Variants in GNAQ observed in about 807,000 individuals in gnomAD.
GNAQ encodes the protein G protein subunit alpha q.
In GNAQ, 8 loss-of-function variants were observed where a neutral mutation model predicts 43.9. The ratio of observed to expected loss-of-function variants is 0.18; its 90% CI spans 0.11 to 0.33. The LOEUF (loss-of-function observed/expected upper bound fraction) is 0.33, where lower values mean the gene tolerates loss of function less well. Among genes scored for constraint, GNAQ ranks in the 10% least tolerant of loss-of-function variants. The pLI, the probability that GNAQ is intolerant of heterozygous loss-of-function variation, is 1.00. For missense variants in GNAQ, 158 were observed against 450.8 expected, an observed-to-expected ratio of 0.35 and a Z score of 5.88; for synonymous variants, 155 against 170.7, an observed-to-expected ratio of 0.91 and a Z score of 0.71.
chr9:77,735,581 G>C (rs1825564889), intron 5 of GNAQ, among the ~76,000 whole-genome samples: 1 of 152,178 alleles, frequency 6.6e-6, no homozygotes. Context: ...TGCTGTGTCT[G>C]ACTTTGTATC....
intron 1 of GNAQ, chr9:78,030,711 A>T (rs1446209180): frequency 2.7e-6 from 1 of 374,926 alleles, no homozygotes; most frequent in Non-Finnish European, 5.5e-6. Flanking sequence ...TGCCGCGGCC[A>T]CGACACTGGA....
At chr9:78,028,014 A>G (rs1824003483) in intron 1 of GNAQ, among the ~76,000 whole-genome samples, 1 of 152,198 alleles carries the variant, frequency 6.6e-6, no homozygotes, top group Non-Finnish European at 1.5e-5. Context: ...ATTATATTAA[A>G]TGAGGTTATC....
chr9:77,823,772 C>G (rs1331087362), intron 2 of GNAQ, among the ~76,000 whole-genome samples: 1 of 152,086 alleles, frequency 6.6e-6, no homozygotes, highest in African/African-American at 2.4e-5. Context: ...AAATCTGTCC[C>G]CACGATTCAA....
At chr9:77,912,828 C>T (rs1828830498) in intron 2 of GNAQ, among the ~76,000 whole-genome samples, 1 of 152,142 alleles carries the variant, frequency 6.6e-6, no homozygotes, top group Admixed American at 6.5e-5. Flanking sequence ...CAATGTGATA[C>T]CACTATCCAG....
intron 2 of GNAQ, among the ~76,000 whole-genome samples, chr9:77,890,686 G>T (rs2118106925): frequency 6.6e-6 from 1 of 152,312 alleles, no homozygotes; most frequent in South Asian, 2.1e-4. Flanking sequence ...TCACACCATT[G>T]CACTCCAGGC....
At chr9:77,939,215 C>A (rs965345043) in intron 1 of GNAQ, among the ~76,000 whole-genome samples, 2 of 152,230 alleles carry the variant, frequency 1.3e-5, no homozygotes, top group Non-Finnish European at 2.9e-5. Flanking sequence ...TAAATACACA[C>A]ATTTACAGTC....
At chr9:77,838,137 A>ATTTTTTT (rs574992587) in intron 2 of GNAQ, among the ~76,000 whole-genome samples, 1 of 87,184 alleles carries the variant, frequency 1.1e-5, no homozygotes, top group Non-Finnish European at 2.3e-5. Context: ...GGCATTAATG[A>ATTTTTTT]TTTTTTTTTT....
Position 77,778,104 on chromosome 9 carries a change from A to G in GNAQ, c.735+16359T>C, listed in dbSNP as rs574534017. ...CAACTCAAGTATCCATCAATAAGTGAAGGTAAATAAAAACTTTTATTTTTC... is the reference window on the plus strand; with the variant it reads ...CAACTCAAGTATCCATCAATAAGTGGAGGTAAATAAAAACTTTTATTTTTC... On this transcript the variant is annotated intron_variant, in intron 5 of 6. Transcript: ENST00000286548. Among the ~76,000 whole-genome samples, 3 of 152,196 alleles carry G rather than the reference A, an allele frequency of 2.0e-5. No homozygotes were observed. In the East Asian group the frequency reaches 5.8e-4, roughly 29 times the overall value.
At chr9:77,969,266 T>TC (rs1474433379) in intron 1 of GNAQ, among the ~76,000 whole-genome samples, 26 of 152,160 alleles carry the variant, frequency 1.7e-4, no homozygotes, top group Non-Finnish European at 1.5e-5. Flanking sequence ...GATTTCACAC[T>TC]CCTGTGATTC....
chr9:77,893,525 T>C (rs1010849931), intron 2 of GNAQ, among the ~76,000 whole-genome samples: 3 of 152,228 alleles, frequency 2.0e-5, no homozygotes, highest in East Asian at 1.9e-4. Context: ...GCATACTCAG[T>C]TGAGCAGCCC....
intron 5 of GNAQ, among the ~76,000 whole-genome samples, chr9:77,749,406 G>A (rs1258448056): frequency 6.6e-6 from 1 of 152,152 alleles, no homozygotes; most frequent in Non-Finnish European, 1.5e-5. Flanking sequence ...AAAACAGGCA[G>A]AAGGCTTTAA....
In GNAQ at chr9:77,997,627, T is replaced by C. The variant is rs547703699; in HGVS notation, c.136+33473A>G. Among the ~76,000 whole-genome samples, 7 of 152,098 alleles carry C rather than the reference T, an allele frequency of 4.6e-5. No homozygotes were observed. In the South Asian group the frequency reaches 1.5e-3, roughly 32 times the overall value. Reference sequence around the variant, plus strand: ...AGAGCCACGCCAGCCTGATTCTCTGTACAAGGGACCCAAGCAGGAGGCTGC... The same window carrying C: ...AGAGCCACGCCAGCCTGATTCTCTGCACAAGGGACCCAAGCAGGAGGCTGC... On this transcript the variant is annotated intron_variant, in intron 1 of 6. Coordinates refer to ENST00000286548, the MANE Select transcript of GNAQ (RefSeq NM_002072.5).
At chr9:77,864,168 C>A (rs1389719402) in intron 2 of GNAQ, among the ~76,000 whole-genome samples, 1 of 131,390 alleles carries the variant, frequency 7.6e-6, no homozygotes, top group Non-Finnish European at 1.6e-5. Context: ...AGGTGCCAGG[C>A]TTTTTTTTTT....
intron 5 of GNAQ, among the ~76,000 whole-genome samples, chr9:77,741,321 A>G (rs1257030378): frequency 6.6e-6 from 1 of 152,090 alleles, no homozygotes; most frequent in Admixed American, 6.5e-5. Flanking sequence ...TAAAAGTCTG[A>G]GCATATTTAC....
At chr9:77,827,961 G>C (rs1827228519) in intron 2 of GNAQ, among the ~76,000 whole-genome samples, 1 of 148,874 alleles carries the variant, frequency 6.7e-6, no homozygotes, top group Non-Finnish European at 1.5e-5. Context: ...TTGGGAGGCT[G>C]AGGCAGGAGA....
intron 2 of GNAQ, among the ~76,000 whole-genome samples, chr9:77,893,931 C>G (rs1192062801): frequency 6.6e-6 from 1 of 152,128 alleles, no homozygotes; most frequent in Non-Finnish European, 1.5e-5. Context: ...TTCCTCCCCA[C>G]TCTCACCTGC....
chr9:77,779,865 A>G (rs1826364297), intron 5 of GNAQ, among the ~76,000 whole-genome samples: 2 of 152,048 alleles, frequency 1.3e-5, no homozygotes, highest in South Asian at 4.1e-4. Context: ...CAAAACTCCT[A>G]TAAAATAAAA....
At chr9:78,018,421 T>C (rs1823865190) in intron 1 of GNAQ, among the ~76,000 whole-genome samples, 1 of 152,186 alleles carries the variant, frequency 6.6e-6, no homozygotes, top group African/African-American at 2.4e-5. Context: ...TTATGAATAT[T>C]TTAAAAAGTT....
At chr9:77,903,946 C>T (rs1828659546) in intron 2 of GNAQ, among the ~76,000 whole-genome samples, 1 of 150,738 alleles carries the variant, frequency 6.6e-6, no homozygotes. Flanking sequence ...ACAAAACACA[C>T]AAAAAAATCT....
Sources: allele counts gnomAD v4.1 joint callset (sites outside exome capture counted in the v4.1 genomes callset), GRCh38; gene constraint gnomAD v4.1.1; transcripts MANE v1.5; gene names NCBI Gene and HGNC (gene_info 2026-07-23, HGNC 2026-07-21).